SLC19A3: variants seen among roughly 807,000 people sequenced by gnomAD.
SLC19A3 encodes solute carrier family 19 member 3, also known as thiamine transporter 2.
In SLC19A3, 31 loss-of-function variants were observed where a neutral mutation model predicts 40.2. The ratio of observed to expected loss-of-function variants is 0.77; its 90% CI spans 0.58 to 1.04. The LOEUF is 1.04. Ranked by LOEUF, SLC19A3 falls within the 50% of genes least tolerant of loss-of-function variation. SLC19A3 has a pLI of 0.00. For missense variants in SLC19A3, 592 were observed against 596.7 expected, an observed-to-expected ratio of 0.99 and a Z score of 0.08; for synonymous variants, 212 against 227.5, an observed-to-expected ratio of 0.93 and a Z score of 0.61.
chr2:227,696,392 G>A (rs1441320886), intron 3 of SLC19A3, among the ~76,000 whole-genome samples: 3 of 152,190 alleles, frequency 2.0e-5, no homozygotes, highest in Non-Finnish European at 2.9e-5. Context: ...AAGGAGAAAT[G>A]ATACATTAAC....
At chr2:227,696,504 TAAG>T (rs1695442294) in intron 3 of SLC19A3, among the ~76,000 whole-genome samples, 1 of 152,220 alleles carries the variant, frequency 6.6e-6, no homozygotes, top group South Asian at 2.1e-4. Context: ...GTTTTTGCTG[TAAG>T]TCTTTTTCAG....
intron 1 of SLC19A3, among the ~76,000 whole-genome samples, chr2:227,715,107 G>A (rs35541759): frequency 0.15 from 22,253 of 148,612 alleles, 2,136 homozygotes; most frequent in South Asian, 0.34. Context: ...GGTGTGAGCC[G>A]CCGTGCCTGG....
chr2:227,717,269 T>C (rs1246755160), intron 1 of SLC19A3, among the ~76,000 whole-genome samples: 1 of 152,196 alleles, frequency 6.6e-6, no homozygotes, highest in African/African-American at 2.4e-5. Flanking sequence ...CCCAAAGTGC[T>C]GGGATTACAG....
At chr2:227,702,520 A>G (rs746766643) in intron 1 of SLC19A3, 200 bp from the exon 2 acceptor site, 5 of 561,712 alleles carry the variant, frequency 8.9e-6, no homozygotes, top group East Asian at 3.2e-5. Flanking sequence ...CAGCCTCCCA[A>G]GTAGCTGGGA....
At chr2:227,717,922 C>T in intron 1 of SLC19A3, 21 bp downstream of exon 1, 1 of 985,388 alleles carries the variant, frequency 1.0e-6, no homozygotes, top group African/African-American at 1.7e-5. Context: ...TCAATTAATT[C>T]GCCCCCCGAG....
intron 1 of SLC19A3, among the ~76,000 whole-genome samples, chr2:227,713,421 A>G (rs1696212831): frequency 6.7e-6 from 1 of 150,306 alleles, no homozygotes; most frequent in African/African-American, 2.4e-5. Flanking sequence ...AAAAAAAAAA[A>G]AAGAGGGGGT....
chr2:227,702,543 G>A, intron 1 of SLC19A3: 1 of 533,878 alleles, frequency 1.9e-6, no homozygotes. Flanking sequence ...ACAGGTGCCT[G>A]CCACCATGAC....
In SLC19A3 at chr2:227,710,588, T is replaced by C. The variant is rs540451589; in HGVS notation, c.-3+7355A>G. 3.3e-5 allele frequency among the ~76,000 whole-genome samples: 5 copies of C among 152,056 alleles called. No homozygotes were observed. In the East Asian group the frequency reaches 9.7e-4, roughly 29 times the overall value. ...CCGCCTGGGCAACATAGAGACCCCA[T>C]CTCTTTAAATATTAAAAAAAAGAAA... On this transcript the variant is annotated intron_variant, in intron 1 of 5. Transcript: ENST00000644224.
At chr2:227,708,672 T>C (rs977449053) in intron 1 of SLC19A3, among the ~76,000 whole-genome samples, 3 of 152,244 alleles carry the variant, frequency 2.0e-5, no homozygotes, top group Non-Finnish European at 4.4e-5. Flanking sequence ...ACAATAATTA[T>C]AAGTGTTTAG....
intron 4 of SLC19A3, among the ~76,000 whole-genome samples, chr2:227,691,996 T>G: frequency 6.7e-6 from 1 of 149,998 alleles, no homozygotes; most frequent in African/African-American, 2.5e-5. Context: ...AATTCCTATA[T>G]ACAAACAACC....
At chr2:227,691,275 T>A (rs1012642537) in intron 4 of SLC19A3, among the ~76,000 whole-genome samples, 1 of 151,894 alleles carries the variant, frequency 6.6e-6, no homozygotes, top group South Asian at 2.1e-4. Context: ...GAAAGCAGTA[T>A]TAAGAGGGAA....
At chr2:227,710,956 T>G (rs1307832053) in intron 1 of SLC19A3, among the ~76,000 whole-genome samples, 1 of 152,180 alleles carries the variant, frequency 6.6e-6, no homozygotes, top group Non-Finnish European at 1.5e-5. Context: ...AATTATGCCT[T>G]TTAATCTGCT....
chr2:227,709,368 C>A (rs1165491910), intron 1 of SLC19A3, among the ~76,000 whole-genome samples: 3 of 152,080 alleles, frequency 2.0e-5, no homozygotes, highest in African/African-American at 7.2e-5. Flanking sequence ...ACCTGTAATT[C>A]CAGCTACTTG....
intron 1 of SLC19A3, among the ~76,000 whole-genome samples, chr2:227,713,554 G>T (rs549381158): frequency 6.6e-6 from 1 of 152,172 alleles, no homozygotes; most frequent in East Asian, 1.9e-4. Context: ...GGAACTGGTG[G>T]TTTTCTAAGA....
chr2:227,703,494 AG>A lies in SLC19A3; in HGVS notation c.-2-1175del, dbSNP rs1695794086. 6.6e-6 allele frequency among the ~76,000 whole-genome samples: 1 copy of A among 152,226 alleles called. No homozygotes were observed. The highest frequency in any genetic ancestry group is 1.5e-5 in the Non-Finnish European group (1 of 68,050). On this transcript the variant is annotated intron_variant, in intron 1 of 5. Coordinates refer to ENST00000644224, the MANE Select transcript of SLC19A3 (RefSeq NM_025243.4). The surrounding 1 kb of genome is among the most constrained non-coding windows in gnomAD (Gnocchi z 4.7). ...ATGTCAACAAAGCCCTTGATTAAGC[AG>A]TGGAGAGACAAGAGCGATCAGATTT...
intron 1 of SLC19A3, 21 bp from the exon 2 acceptor site, chr2:227,702,341 A>G: frequency 1.9e-6 from 3 of 1,613,360 alleles, no homozygotes; most frequent in Non-Finnish European, 2.5e-6. Flanking sequence ...GGAAACAAAG[A>G]GAAAATTAAG....
chr2:227,716,605 C>A (rs1696343560), intron 1 of SLC19A3, among the ~76,000 whole-genome samples: 1 of 152,210 alleles, frequency 6.6e-6, no homozygotes, highest in South Asian at 2.1e-4. Flanking sequence ...CTGACCCATT[C>A]ATGCTCCCTA....
chr2:227,695,514 C>T (rs756358815), intron 4 of SLC19A3: 5 of 233,342 alleles, frequency 2.1e-5, no homozygotes, highest in Non-Finnish European at 4.3e-5. Context: ...AGGTTGGGGA[C>T]TCACCTGAGC....
In SLC19A3 at chr2:227,702,419, A is replaced by G. The variant is rs959417561; in HGVS notation, c.-2-99T>C. On this transcript the variant is annotated intron_variant, in intron 1 of 5. Transcript: ENST00000644224. Reference sequence around the variant, plus strand: ...GATTTTTTTTTTTTTTTTGAGATGGAGGGTCGCTCTGTTGTCCAGGCTGAA... The same window carrying G: ...GATTTTTTTTTTTTTTTTGAGATGGGGGGTCGCTCTGTTGTCCAGGCTGAA... The G allele has an allele frequency of 5.9e-6, 7 of 1,188,120 alleles. No individual in the cohort carries two copies. The African/African-American group carries it at 8.1e-5, about 14-fold the overall frequency. 73.6% of individuals were successfully genotyped at this position (1,188,120 alleles called of 1,614,324 possible).
Sources: gnomAD v4.1 joint callset for allele counts (sites outside exome capture counted in the v4.1 genomes callset) on GRCh38, gnomAD v4.1.1 for gene constraint, Gnocchi (gnomAD v3.1) non-coding constraint, MANE v1.5 for transcripts, NCBI Gene and HGNC (gene_info 2026-07-23, HGNC 2026-07-21) for gene names.